The following MAP4K3 variants were observed in gnomAD, a reference collection of about 807,000 sequenced individuals.
MAP4K3 encodes the protein MAPK/ERK kinase kinase kinase 3.
In MAP4K3, 94 loss-of-function variants were observed where a neutral mutation model predicts 143.5. That is an observed-to-expected ratio of 0.65 (90% confidence interval 0.55 to 0.78). MAP4K3 has a LOEUF of 0.78. MAP4K3 is among the 30% of genes least tolerant of loss of function. The pLI, the probability that MAP4K3 is intolerant of heterozygous loss-of-function variation, is 0.00. For missense variants in MAP4K3, 1,077 were observed against 1,068.1 expected, an observed-to-expected ratio of 1.01 and a Z score of -0.12; for synonymous variants, 416 against 347.2, an observed-to-expected ratio of 1.20 and a Z score of -2.20.
rs753869764 is a variant in MAP4K3, at chr2:39,260,660, C to A, written c.2254G>T (p.Val752Phe). 4 of 1,614,100 alleles carry A rather than the reference C, an allele frequency of 2.5e-6. No individual in the cohort carries two copies. In the Admixed American group the frequency reaches 6.7e-5, roughly 27 times the overall value. ...VSRGRDFNQV[V>F]RFETVNPNST... ...TTTGGATTGACCGTCTCAAATCGAACCACTTGGTTGAAGTCTCTACCTCTA... is the reference window on the plus strand; with the variant it reads ...TTTGGATTGACCGTCTCAAATCGAAACACTTGGTTGAAGTCTCTACCTCTA... The change falls in exon 29 of 34, where the codon GTT becomes TTT. Residue 752 changes from valine (V) to phenylalanine (F), a missense_variant. Val to Phe is a conservative substitution (Grantham distance 50). Transcript: ENST00000263881.
At chr2:39,284,271 C>T (rs1014251424) in intron 21 of MAP4K3, among the ~76,000 whole-genome samples, 10 of 152,028 alleles carry the variant, frequency 6.6e-5, no homozygotes, top group Admixed American at 5.9e-4. Context: ...AAGTGATTCT[C>T]GTGCCTCAGC....
intron 1 of MAP4K3, among the ~76,000 whole-genome samples, chr2:39,424,207 G>C (rs1410509880): frequency 1.3e-5 from 2 of 152,158 alleles, no homozygotes; most frequent in East Asian, 3.9e-4. Flanking sequence ...GCCTCCCAAA[G>C]TGCTGGGATT....
intron 1 of MAP4K3, among the ~76,000 whole-genome samples, chr2:39,403,457 T>C (rs1667007967): frequency 6.6e-6 from 1 of 152,190 alleles, no homozygotes; most frequent in African/African-American, 2.4e-5. Flanking sequence ...AGAGAATGTG[T>C]GTGCTTGAGG....
At chr2:39,365,873 T>G (rs551756506) in intron 2 of MAP4K3, among the ~76,000 whole-genome samples, 2 of 152,344 alleles carry the variant, frequency 1.3e-5, no homozygotes, top group Non-Finnish European at 2.9e-5. Context: ...CATTCTATTT[T>G]AAACACAGAG....
chr2:39,408,127 CA>C (rs1558339568), intron 1 of MAP4K3, among the ~76,000 whole-genome samples: 1 of 151,992 alleles, frequency 6.6e-6, no homozygotes, highest in African/African-American at 2.4e-5. Context: ...AAAACAAAAA[CA>C]AAAAGCAAAA....
chr2:39,385,551 C>CTCATATAT (rs1491354478), intron 1 of MAP4K3, among the ~76,000 whole-genome samples: 3 of 111,266 alleles, frequency 2.7e-5, no homozygotes, highest in African/African-American at 1.4e-4. Flanking sequence ...GAGCGTTCTT[C>CTCATATAT]ATATATATAT....
chr2:39,296,432 A>C (rs1232281158), intron 16 of MAP4K3, among the ~76,000 whole-genome samples: 1 of 152,238 alleles, frequency 6.6e-6, no homozygotes, highest in Non-Finnish European at 1.5e-5. Context: ...TGGAAGTTTT[A>C]TAAAGTAAAT....
chr2:39,250,566 G>T lies in MAP4K3; in HGVS notation c.*52C>A. ...ACAGCTTCAAGCATCCATTAATGTT[G>T]CAGTGGTAGTGTTCTTTCTTTCTAG... On this transcript the variant is annotated 3_prime_UTR_variant, in exon 34 of 34. Coordinates refer to ENST00000263881, the MANE Select transcript of MAP4K3 (RefSeq NM_003618.4). The T allele has an allele frequency of 1.4e-6, 2 of 1,477,910 alleles. No individual in the cohort carries two copies. The highest frequency in any genetic ancestry group is 1.9e-6 in the Non-Finnish European group (2 of 1,060,096). The allele number at this position is 1,477,910 out of a possible 1,614,324, so 91.5% of individuals were successfully genotyped here.
intron 26 of MAP4K3, among the ~76,000 whole-genome samples, chr2:39,271,557 A>G (rs1049461827): frequency 6.6e-6 from 1 of 152,230 alleles, no homozygotes; most frequent in Non-Finnish European, 1.5e-5. Context: ...TACTGAAACT[A>G]GAAAGGCAAA....
chr2:39,341,369 C>A (rs1177721989), intron 4 of MAP4K3, among the ~76,000 whole-genome samples: 6 of 152,046 alleles, frequency 3.9e-5, no homozygotes, highest in Non-Finnish European at 8.8e-5. Flanking sequence ...ACTGAAAAAA[C>A]TTCAGGAGGC....
At chr2:39,411,862 G>A (rs1667241368) in intron 1 of MAP4K3, among the ~76,000 whole-genome samples, 2 of 152,112 alleles carry the variant, frequency 1.3e-5, no homozygotes. Flanking sequence ...AAATCTACAT[G>A]GTGACTAATA....
intron 24 of MAP4K3, among the ~76,000 whole-genome samples, chr2:39,274,893 A>T (rs1681181279): frequency 6.6e-6 from 1 of 152,252 alleles, no homozygotes. Context: ...CAGGACCCTG[A>T]TTAGTGTCAT....
chr2:39,344,533 C>A (rs1289455762), intron 3 of MAP4K3, among the ~76,000 whole-genome samples: 9 of 152,184 alleles, frequency 5.9e-5, no homozygotes, highest in Non-Finnish European at 1.2e-4. Flanking sequence ...TGCTTTCACG[C>A]TAGAACAGAA....
At chr2:39,369,205 G>GTTTTTTTTTGGTTTTT (rs68013609) in intron 2 of MAP4K3, among the ~76,000 whole-genome samples, 1 of 125,380 alleles carries the variant, frequency 8.0e-6, no homozygotes, top group Non-Finnish European at 1.6e-5. Context: ...TTTTTTTTTT[G>GTTTTTTTTTGGTTTTT]TTTTTTTTGA....
intron 13 of MAP4K3, among the ~76,000 whole-genome samples, chr2:39,313,048 A>C (rs900935955): frequency 1.3e-5 from 2 of 152,182 alleles, no homozygotes; most frequent in African/African-American, 4.8e-5. Flanking sequence ...AAAGGGAGCA[A>C]AGTCCCTATG....
At chr2:39,364,444 T>C (rs1055971686) in intron 2 of MAP4K3, among the ~76,000 whole-genome samples, 1 of 152,182 alleles carries the variant, frequency 6.6e-6, no homozygotes, top group Non-Finnish European at 1.5e-5. Flanking sequence ...TCTAAAATAT[T>C]TGAAGAGATT....
rs1414420154 is a variant in MAP4K3 at position 39,295,713 on chromosome 2, ATG to A, written c.1179-2447_1179-2446del. The stretch of plus-strand genomic sequence containing the variant: ...TGGATTTATATTGCATTCGCATTCC[ATG>A]TTTTTTTTTTTTTTTTTTTTGAGAT... On this transcript the variant is annotated intron_variant, in intron 16 of 33. Transcript: ENST00000263881. 2.4e-5 allele frequency among the ~76,000 whole-genome samples: 3 copies of A among 125,628 alleles called. No individual in the cohort carries two copies. In the Admixed American group the frequency reaches 2.8e-4, roughly 12 times the overall value. 82.4% of individuals were successfully genotyped at this position (125,628 alleles called of 152,430 possible).
intron 6 of MAP4K3, among the ~76,000 whole-genome samples, chr2:39,334,847 C>T (rs1683810480): frequency 1.3e-5 from 2 of 152,054 alleles, no homozygotes; most frequent in Non-Finnish European, 2.9e-5. Flanking sequence ...TATTTATCAT[C>T]TATGAATGAA....
intron 1 of MAP4K3, among the ~76,000 whole-genome samples, chr2:39,387,818 T>A (rs896317705): frequency 6.6e-6 from 1 of 152,218 alleles, no homozygotes; most frequent in African/African-American, 2.4e-5. Context: ...TAAGTTAACT[T>A]GAATGGCTCT....
Sources: gnomAD v4.1 joint callset for allele counts (sites outside exome capture counted in the v4.1 genomes callset) on GRCh38, gnomAD v4.1.1 for gene constraint, MANE v1.5 for transcripts, NCBI Gene and HGNC (gene_info 2026-07-23, HGNC 2026-07-21) for gene names.